LOC128125818: variants seen among roughly 807,000 people sequenced by gnomAD.
chr4:6,065,997 T>G, the LOC128125818 span, among the ~76,000 whole-genome samples: 59 of 151,394 alleles, frequency 3.9e-4, no homozygotes, highest in African/African-American at 1.1e-3. This position sits in a 1 kb window ranked among gnomAD's most constrained non-coding sequence, Gnocchi z 5.1. Context: ...CTTTTTTGGG[T>G]TTTTTTTTCC....
chr4:6,067,956 T>G, the LOC128125818 span, among the ~76,000 whole-genome samples: 36 of 152,242 alleles, frequency 2.4e-4, no homozygotes, highest in South Asian at 8.3e-4. This position sits in a 1 kb window ranked among gnomAD's most constrained non-coding sequence, Gnocchi z 4.6. Context: ...CGAGTCTGTT[T>G]GTTGCTGTAG....
At chr4:6,065,087 A>G in the LOC128125818 span, 1 of 1,559,770 alleles carries the variant, frequency 6.4e-7, no homozygotes. This position sits in a 1 kb window ranked among gnomAD's most constrained non-coding sequence, Gnocchi z 5.1. Context: ...TGGGCATGCC[A>G]GTGCAGGGGG....
chr4:6,069,424 C>T, the LOC128125818 span, among the ~76,000 whole-genome samples: 8 of 152,156 alleles, frequency 5.3e-5, no homozygotes, highest in African/African-American at 1.2e-4. The surrounding 1 kb of genome is among the most constrained non-coding windows in gnomAD (Gnocchi z 4.5). Context: ...CTTGTTGACT[C>T]GTTTCTACAG....
the LOC128125818 span, among the ~76,000 whole-genome samples, chr4:6,066,545 A>C: frequency 6.6e-6 from 1 of 152,072 alleles, no homozygotes; most frequent in Admixed American, 6.6e-5. Flanking sequence ...CCTAGCGGGC[A>C]GTGACTTACC....
At chr4:6,068,447 A>C in the LOC128125818 span, among the ~76,000 whole-genome samples, 5 of 152,216 alleles carry the variant, frequency 3.3e-5, no homozygotes, top group Non-Finnish European at 7.3e-5. Flanking sequence ...GCAGCAATGC[A>C]GAGGAATCCA....
chr4:6,067,475 C>G, the LOC128125818 span, among the ~76,000 whole-genome samples: 3 of 152,170 alleles, frequency 2.0e-5, no homozygotes, highest in Non-Finnish European at 4.4e-5. The surrounding 1 kb of genome is among the most constrained non-coding windows in gnomAD (Gnocchi z 4.6). Flanking sequence ...GGATGAGAAC[C>G]CCACCCGACT....
the LOC128125818 span, among the ~76,000 whole-genome samples, chr4:6,066,831 C>T: frequency 1.2e-4 from 19 of 152,130 alleles, no homozygotes; most frequent in African/African-American, 1.4e-4. Flanking sequence ...AAGTGGTCTG[C>T]GAGGCCCTAC....
At chr4:6,070,064 C>T in the LOC128125818 span, 4 of 398,694 alleles carry the variant, frequency 1.0e-5, no homozygotes, top group Non-Finnish European at 1.8e-5. Context: ...TACCTTCATG[C>T]TTATAGGTCA....
the LOC128125818 span, chr4:6,065,003 A>C: frequency 6.2e-7 from 1 of 1,614,178 alleles, no homozygotes; most frequent in Non-Finnish European, 8.5e-7. The surrounding 1 kb of genome is among the most constrained non-coding windows in gnomAD (Gnocchi z 5.1). Context: ...TCTCCACAAC[A>C]TGCTTCTGTA....
chr4:6,065,815 C>G, the LOC128125818 span, among the ~76,000 whole-genome samples: 11 of 152,120 alleles, frequency 7.2e-5, no homozygotes, highest in African/African-American at 2.7e-4. The surrounding 1 kb of genome is among the most constrained non-coding windows in gnomAD (Gnocchi z 5.1). Context: ...AATTCATTCA[C>G]TCAGAAAACA....
the LOC128125818 span, among the ~76,000 whole-genome samples, chr4:6,065,559 T>C: frequency 1.2e-4 from 19 of 152,198 alleles, no homozygotes; most frequent in Admixed American, 1.2e-3. This position sits in a 1 kb window ranked among gnomAD's most constrained non-coding sequence, Gnocchi z 5.1. Flanking sequence ...CTGACTAGTG[T>C]GGCAAATGTG....
chr4:6,068,558 C>CTT, the LOC128125818 span, among the ~76,000 whole-genome samples: 17,571 of 136,274 alleles, frequency 0.13, 2,770 homozygotes, highest in African/African-American at 0.37. Flanking sequence ...AATTTTTTAA[C>CTT]TTTTTTTTTT....
the LOC128125818 span, among the ~76,000 whole-genome samples, chr4:6,065,725 T>C: frequency 3.9e-5 from 6 of 152,244 alleles, no homozygotes; most frequent in African/African-American, 9.6e-5. The surrounding 1 kb of genome is among the most constrained non-coding windows in gnomAD (Gnocchi z 5.1). Flanking sequence ...AGGCTCTATG[T>C]GACGGCCTCT....
At chr4:6,067,303 T>C in the LOC128125818 span, among the ~76,000 whole-genome samples, 5 of 152,328 alleles carry the variant, frequency 3.3e-5, no homozygotes, top group African/African-American at 1.2e-4. This position sits in a 1 kb window ranked among gnomAD's most constrained non-coding sequence, Gnocchi z 4.6. Context: ...ATGACACCAT[T>C]TCCATTCATT....
chr4:6,068,793 C>T, the LOC128125818 span, among the ~76,000 whole-genome samples: 1 of 152,148 alleles, frequency 6.6e-6, no homozygotes, highest in Non-Finnish European at 1.5e-5. Flanking sequence ...TGGTGTCAAA[C>T]TCTTGACCTC....
At chr4:6,068,320 A>G in the LOC128125818 span, among the ~76,000 whole-genome samples, 430 of 152,318 alleles carry the variant, frequency 2.8e-3, 3 homozygotes, top group African/African-American at 9.9e-3. Flanking sequence ...CCCCGACAGT[A>G]TCATATCATA....
At chr4:6,066,736 C>A in the LOC128125818 span, among the ~76,000 whole-genome samples, 1 of 152,156 alleles carries the variant, frequency 6.6e-6, no homozygotes. Context: ...CTCCCCCTCT[C>A]TCCATTGGGA....
At chr4:6,065,220 G>A in the LOC128125818 span, among the ~76,000 whole-genome samples, 1 of 152,300 alleles carries the variant, frequency 6.6e-6, no homozygotes, top group East Asian at 1.9e-4. This position sits in a 1 kb window ranked among gnomAD's most constrained non-coding sequence, Gnocchi z 5.1. Context: ...CAGCCTGAGC[G>A]AGCTAGTCTG....
the LOC128125818 span, among the ~76,000 whole-genome samples, chr4:6,065,987 C>CT: frequency 6.6e-6 from 1 of 152,128 alleles, no homozygotes; most frequent in Non-Finnish European, 1.5e-5. This position sits in a 1 kb window ranked among gnomAD's most constrained non-coding sequence, Gnocchi z 5.1. Context: ...AGGAACATAG[C>CT]TTTTTTGGGT....
Sources: allele counts gnomAD v4.1 joint callset (sites outside exome capture counted in the v4.1 genomes callset), GRCh38; gene constraint gnomAD v4.1.1; non-coding constraint Gnocchi (gnomAD v3.1); transcripts MANE v1.5.